Variants in ACAP1 observed in about 807,000 individuals in gnomAD.
The protein encoded by ACAP1 is arf-GAP with coiled-coil, ANK repeat and PH domain-containing protein 1.
Under a neutral mutation model 98.8 loss-of-function variants are expected in ACAP1, and 45 were observed. That is an observed-to-expected ratio of 0.46 (90% CI 0.36 to 0.58). The LOEUF (loss-of-function observed/expected upper bound fraction) is 0.58. Among genes scored for constraint, ACAP1 ranks in the 20% least tolerant of loss-of-function variants. The pLI is 0.00. For synonymous variants in ACAP1, 362 were observed against 375.3 expected, an observed-to-expected ratio of 0.96 and a Z score of 0.41; for missense variants, 735 against 971.4, an observed-to-expected ratio of 0.76 and a Z score of 3.24.
chr17:7,347,469 C>T (rs1034866663), intron 14 of ACAP1: 1 of 534,062 alleles, frequency 1.9e-6, no homozygotes, highest in Admixed American at 3.5e-5. Context: ...TGGGGGATAC[C>T]CAGAATTTGT....
rs960256982 is a variant in ACAP1, at chr17:7,348,037, G to A, written c.1413+46G>A. The A allele has an allele frequency of 3.7e-6, 6 of 1,612,000 alleles. No individual in the cohort carries two copies. The African/African-American group carries it at 8.0e-5, about 22-fold the overall frequency. On this transcript the variant is annotated intron_variant, in intron 15 of 21. Coordinates refer to ENST00000158762, the MANE Select transcript of ACAP1 (RefSeq NM_014716.4). ...GATTGGGGGCAAGAACTTGGGGTGG[G>A]GCAAGGACATGGCGGTGCAGGGGCG... is the stretch of plus-strand genomic sequence containing the variant.
chr17:7,350,589 T>G lies in ACAP1; in HGVS notation c.2072+352T>G. Reference sequence around the variant, plus strand: ...GCAACCCAGCTCAAAGGATGGGAAGTTGTGGGGGAGGTGAGGATAGTCTTT... The same window carrying G: ...GCAACCCAGCTCAAAGGATGGGAAGGTGTGGGGGAGGTGAGGATAGTCTTT... On this transcript the variant is annotated intron_variant, in intron 20 of 21. Coordinates refer to ENST00000158762, the MANE Select transcript of ACAP1 (RefSeq NM_014716.4). The surrounding 1 kb of genome is among the most constrained non-coding windows in gnomAD (Gnocchi z 4.6). 1 of 416,512 alleles carries G rather than the reference T, an allele frequency of 2.4e-6. No individual in the cohort carries two copies. Among genetic ancestry groups the G allele is most frequent in the Non-Finnish European group, 4.3e-6 (1 of 231,206 alleles). The allele number at this position is 416,512 out of a possible 1,614,324, so 25.8% of individuals were successfully genotyped here. A position where few individuals can be genotyped will look rare whatever the true frequency, so the allele number is the denominator to read the frequency against.
At chr17:7,336,903 G>A (rs535210297) in intron 1 of ACAP1, 116 bp downstream of exon 1, 46 of 1,174,678 alleles carry the variant, frequency 3.9e-5, no homozygotes, top group Non-Finnish European at 5.4e-5. Flanking sequence ...AGAGGCAGGA[G>A]CGAGCCTGTG....
intron 2 of ACAP1, among the ~76,000 whole-genome samples, chr17:7,339,837 T>C (rs189298197): frequency 6.6e-6 from 1 of 152,280 alleles, no homozygotes; most frequent in East Asian, 1.9e-4. Context: ...CTTCCCACAC[T>C]TCTTTAATCT....
In ACAP1 at chr17:7,348,287, T is replaced by A. The variant is rs2073367117; in HGVS notation, c.1509-19T>A. 1 of 1,594,862 alleles carries A rather than the reference T, an allele frequency of 6.3e-7. No homozygotes were observed. ...CTGGAGCAGAAGAGGGAAGACTGCGTGCTTCTCCCCTCCCACAGGCAGGAG... is the reference window on the plus strand; with the variant it reads ...CTGGAGCAGAAGAGGGAAGACTGCGAGCTTCTCCCCTCCCACAGGCAGGAG... On this transcript the variant is annotated intron_variant, in intron 16 of 21. Coordinates refer to ENST00000158762, the MANE Select transcript of ACAP1 (RefSeq NM_014716.4).
chr17:7,346,578 C>A, intron 12 of ACAP1, 87 bp downstream of exon 12: 1 of 1,275,740 alleles, frequency 7.8e-7, no homozygotes. Context: ...GGAGGCCCCC[C>A]ATGCAGCTCC....
At position 7,344,269 on chromosome 17, in the gene ACAP1, G is replaced by A; in HGVS notation, c.744+146G>A. Reference sequence around the variant, plus strand: ...TCTACAGAAAATTTTAAAATTAGCTGGTGTGGTGGCATGCACCTCTAGTTC... The same window carrying A: ...TCTACAGAAAATTTTAAAATTAGCTAGTGTGGTGGCATGCACCTCTAGTTC... On this transcript the variant is annotated intron_variant, in intron 9 of 21. Coordinates refer to ENST00000158762, the MANE Select transcript of ACAP1 (RefSeq NM_014716.4). This position sits in a 1 kb window ranked among gnomAD's most constrained non-coding sequence, Gnocchi z 4.9. The A allele has an allele frequency of 2.1e-6, 2 of 970,044 alleles. No individual in the cohort carries two copies. The highest frequency in any genetic ancestry group is 2.4e-5 in the Admixed American group (1 of 42,162). 60.1% of individuals were successfully genotyped at this position (970,044 alleles called of 1,614,324 possible).
chr17:7,339,990 G>T (rs2073260044), intron 2 of ACAP1, among the ~76,000 whole-genome samples: 1 of 152,138 alleles, frequency 6.6e-6, no homozygotes, highest in African/African-American at 2.4e-5. Context: ...GCCGGGTGTG[G>T]TCGCTCATGC....
At chr17:7,341,271 C>A (rs1302696724) in intron 2 of ACAP1, among the ~76,000 whole-genome samples, 2 of 152,184 alleles carry the variant, frequency 1.3e-5, no homozygotes, top group Non-Finnish European at 2.9e-5. Flanking sequence ...CTGCCTTAGC[C>A]CCCCAGGTAA....
Position 7,346,492 on chromosome 17 carries a change from G to A in ACAP1, c.1007+1G>A. 4 of 1,602,964 alleles carry A rather than the reference G, an allele frequency of 2.5e-6. No individual in the cohort carries two copies. The highest frequency in any genetic ancestry group is 3.4e-6 in the Non-Finnish European group (4 of 1,174,746). ...GCTTTGAGGTGGTGTCCACCAGCAAGTGAGTGCAATCCCCAGGGGTGATAC... is the reference window on the plus strand; with the variant it reads ...GCTTTGAGGTGGTGTCCACCAGCAAATGAGTGCAATCCCCAGGGGTGATAC... On this transcript the variant is annotated splice_donor_variant, in intron 12 of 21. Coordinates refer to ENST00000158762, the MANE Select transcript of ACAP1 (RefSeq NM_014716.4). LOFTEE classifies it high-confidence loss of function.
chr17:7,351,444 C>T lies in ACAP1; in HGVS notation c.*49C>T, dbSNP rs2143019020. On this transcript the variant is annotated 3_prime_UTR_variant, in exon 22 of 22. Transcript: ENST00000158762. ...CTGCCTCCCTTCCCCGCCACCGGGC[C>T]CTCTGCCATTAAAGCCTCCGTGCTT... The T allele has an allele frequency of 7.1e-7, 1 of 1,405,172 alleles. No individual in the cohort carries two copies. Among genetic ancestry groups the T allele is most frequent in the Non-Finnish European group, 9.9e-7 (1 of 1,008,506 alleles). The allele number at this position is 1,405,172 out of a possible 1,614,324, so 87.0% of individuals were successfully genotyped here.
chr17:7,345,656 CT>C (rs1249030706), intron 10 of ACAP1: 4 of 150,342 alleles, frequency 2.7e-5, no homozygotes, highest in Non-Finnish European at 4.5e-5. Context: ...TTTTCTTTTT[CT>C]TTTTTTTTCT....
chr17:7,348,488 T>C lies in ACAP1; in HGVS notation c.1678+13T>C. The C allele has an allele frequency of 6.8e-7, 1 of 1,462,638 alleles. No individual in the cohort carries two copies. The highest frequency in any genetic ancestry group is 9.0e-7 in the Non-Finnish European group (1 of 1,105,360). The allele number at this position is 1,462,638 out of a possible 1,614,324, so 90.6% of individuals were successfully genotyped here. The stretch of plus-strand genomic sequence containing the variant: ...AGATCCAAGCCAGGTATAGGGTTGG[T>C]TGGGCATTCATTGAGCATCTGCTGT... On this transcript the variant is annotated intron_variant, in intron 17 of 21. Coordinates refer to ENST00000158762, the MANE Select transcript of ACAP1 (RefSeq NM_014716.4).
chr17:7,337,918 C>T lies in ACAP1; in HGVS notation c.111+549C>T, dbSNP rs562977881. Among the ~76,000 whole-genome samples, 3 of 152,204 alleles carry T rather than the reference C, an allele frequency of 2.0e-5. No homozygotes were observed. The East Asian group carries it at 5.8e-4, about 29-fold the overall frequency. ...TCTTGAGCTCCTGCATTGTGCCAGG[C>T]CCTGGGCATTCAGGGAGGACAAGAT... On this transcript the variant is annotated intron_variant, in intron 2 of 21. Transcript: ENST00000158762.
intron 2 of ACAP1, among the ~76,000 whole-genome samples, chr17:7,339,405 T>C (rs571631128): frequency 2.6e-5 from 4 of 152,242 alleles, no homozygotes; most frequent in African/African-American, 9.6e-5. Flanking sequence ...GGTCAGGACT[T>C]CGAGAACAGC....
At chr17:7,349,805 C>A in intron 18 of ACAP1, 140 bp from the exon 19 acceptor site, 1 of 675,272 alleles carries the variant, frequency 1.5e-6, no homozygotes. Context: ...AGCTTGGTTA[C>A]AGTTAGCTGT....
intron 12 of ACAP1, 50 bp downstream of exon 12, chr17:7,346,541 A>C: frequency 6.7e-7 from 1 of 1,483,786 alleles, no homozygotes. Context: ...AACAACTGCC[A>C]ATCTGAAAGG....
Position 7,350,900 on chromosome 17 carries a change from G to A in ACAP1, c.2073-50G>A, listed in dbSNP as rs368492647. On this transcript the variant is annotated intron_variant, in intron 20 of 21. Coordinates refer to ENST00000158762, the MANE Select transcript of ACAP1 (RefSeq NM_014716.4). The surrounding 1 kb of genome is among the most constrained non-coding windows in gnomAD (Gnocchi z 4.6). ...GTTGGGATTACAGGCGTGAGCCACC[G>A]CGCCCGGCCAAAGATAGTGTCGTTC... is the stretch of plus-strand genomic sequence containing the variant. 2.5e-6 allele frequency: 4 copies of A among 1,601,144 alleles called. No individual in the cohort carries two copies. The highest frequency in any genetic ancestry group is 3.4e-6 in the Non-Finnish European group (4 of 1,168,566).
In ACAP1 at chr17:7,343,594, C is replaced by T. The variant is rs2073316598; in HGVS notation, c.528+32C>T. The stretch of plus-strand genomic sequence containing the variant: ...GCCCCAATCTGTCTTCCTGGGGTAC[C>T]AGAGCCTCAAGTGTCACCTCGAGGC... On this transcript the variant is annotated intron_variant, in intron 6 of 21. Transcript: ENST00000158762. The surrounding 1 kb of genome is among the most constrained non-coding windows in gnomAD (Gnocchi z 4.9). The T allele has an allele frequency of 1.2e-6, 2 of 1,601,500 alleles. No homozygotes were observed. Among genetic ancestry groups the T allele is most frequent in the Admixed American group, 1.7e-5 (1 of 59,356 alleles).
Sources: allele counts gnomAD v4.1 joint callset (sites outside exome capture counted in the v4.1 genomes callset), GRCh38; gene constraint gnomAD v4.1.1; non-coding constraint Gnocchi (gnomAD v3.1); transcripts MANE v1.5; gene names NCBI Gene and HGNC (gene_info 2026-07-23, HGNC 2026-07-21).